SORCS1: variants seen among roughly 807,000 people sequenced by gnomAD.
SORCS1 encodes the protein sortilin related VPS10 domain containing receptor 1.
SORCS1 carries 60 observed loss-of-function variants against 146.1 expected under a neutral mutation model. The ratio of observed to expected loss-of-function variants is 0.41; its 90% CI spans 0.33 to 0.51. The LOEUF (loss-of-function observed/expected upper bound fraction) is 0.51, where lower values mean the gene tolerates loss of function less well. SORCS1 is among the 20% of genes least tolerant of loss of function. SORCS1 has a pLI of 0.21. For missense variants in SORCS1, 1,352 were observed against 1,487.6 expected (o/e 0.91, Z 1.50); for synonymous variants, 637 against 584.0 (o/e 1.09, Z -1.31).
intron 1 of SORCS1, among the ~76,000 whole-genome samples, chr10:107,081,576 T>A (rs1190355974): frequency 6.6e-6 from 1 of 152,186 alleles, no homozygotes; most frequent in Admixed American, 6.5e-5. Flanking sequence ...TCTCTCCTTA[T>A]TCAGAAAAAG....
intron 9 of SORCS1, among the ~76,000 whole-genome samples, chr10:106,698,572 A>G (rs1853884738): frequency 6.6e-6 from 1 of 152,240 alleles, no homozygotes; most frequent in Non-Finnish European, 1.5e-5. Flanking sequence ...ATGAAAGCCA[A>G]CCAATCCAAC....
chr10:106,946,047 T>C (rs822081), intron 2 of SORCS1, among the ~76,000 whole-genome samples: 24,705 of 152,188 alleles, frequency 0.16, 2,933 homozygotes, highest in East Asian at 0.38. Flanking sequence ...GGTTATGCTC[T>C]TCTTCTTTGA....
chr10:107,125,249 C>T (rs1385683936), intron 1 of SORCS1, among the ~76,000 whole-genome samples: 1 of 152,140 alleles, frequency 6.6e-6, no homozygotes, highest in Non-Finnish European at 1.5e-5. Context: ...CCATGCCTGG[C>T]CCCGCTCAGC....
At chr10:107,179,279 T>C in the SORCS1 span, among the ~76,000 whole-genome samples, 1 of 152,230 alleles carries the variant, frequency 6.6e-6, no homozygotes, top group South Asian at 2.1e-4. Flanking sequence ...TTTATTTTTA[T>C]TGTTTTCACT....
chr10:107,046,554 A>T (rs1277484351), intron 1 of SORCS1, among the ~76,000 whole-genome samples: 1 of 152,166 alleles, frequency 6.6e-6, no homozygotes, highest in East Asian at 1.9e-4. Flanking sequence ...CATACAACCC[A>T]GAAAGGATGG....
At chr10:107,086,662 G>C (rs1421107968) in intron 1 of SORCS1, among the ~76,000 whole-genome samples, 1 of 152,152 alleles carries the variant, frequency 6.6e-6, no homozygotes, top group Non-Finnish European at 1.5e-5. Flanking sequence ...GCCATTAGTT[G>C]TATTAAGTGA....
At chr10:106,677,142 C>A (rs1277797275) in intron 13 of SORCS1, among the ~76,000 whole-genome samples, 171 bp downstream of exon 13, 1 of 152,204 alleles carries the variant, frequency 6.6e-6, no homozygotes, top group Non-Finnish European at 1.5e-5. Context: ...TATTTGTTGT[C>A]TCAGTGGATT....
At chr10:106,600,509 G>T in intron 23 of SORCS1, 1 of 984,946 alleles carries the variant, frequency 1.0e-6, no homozygotes, top group South Asian at 4.7e-5. Context: ...ACTGTTGACA[G>T]ATTTTGACAA....
At position 106,758,160 on chromosome 10, in the gene SORCS1, G is replaced by A. The variant is rs1157862325; in HGVS notation, c.959+3428C>T. 2.6e-5 allele frequency among the ~76,000 whole-genome samples: 4 copies of A among 152,154 alleles called. No individual in the cohort carries two copies. In the South Asian group the frequency reaches 8.3e-4, roughly 32 times the overall value. On this transcript the variant is annotated intron_variant, in intron 5 of 25. Transcript: ENST00000263054. ...GGCTTTTGATTAGAAGAGCTTTGCT[G>A]ATCAAGCTTTCACATAGAAGATTCC...
rs1470511350 is a variant in SORCS1, at chr10:106,675,071, C to T, written c.1918G>A (p.Gly640Arg). 9 of 1,613,630 alleles carry T rather than the reference C, an allele frequency of 5.6e-6. No homozygotes were observed. The African/African-American group carries it at 9.3e-5, about 17-fold the overall frequency. Residue 640 changes from glycine (G) to arginine (R), a missense_variant, in exon 14 of 26, where the codon GGA becomes AGA. Around this residue, in one of 3 missense-constraint regions of SORCS1, gnomAD observed 648 missense variants for 793.8 expected, o/e 0.82. Transcript: ENST00000263054. The stretch of plus-strand genomic sequence containing the variant: ...TACGTCATGATGAGAGTCTCTTCTC[C>T]AGGCTCACCCAGAACCCCATCCACA... ...LFVDGVLGEP[G>R]EETLIMTVFG...
chr10:106,898,244 A>C (rs918460187), intron 2 of SORCS1, among the ~76,000 whole-genome samples: 2 of 152,158 alleles, frequency 1.3e-5, no homozygotes, highest in African/African-American at 4.8e-5. Context: ...GATTTCTTTA[A>C]ACCCATGCTG....
the SORCS1 span, among the ~76,000 whole-genome samples, chr10:107,176,825 GT>G: frequency 2.0e-5 from 3 of 151,956 alleles, no homozygotes; most frequent in African/African-American, 7.3e-5. Flanking sequence ...TACCCTTAGT[GT>G]TTTTTATATA....
intron 4 of SORCS1, 74 bp downstream of exon 4, chr10:106,776,460 A>C: frequency 6.4e-7 from 1 of 1,560,924 alleles, no homozygotes; most frequent in Non-Finnish European, 8.7e-7. Context: ...GGTGAAATGG[A>C]GAGATGATTA....
At chr10:106,636,298 C>T (rs1848719328) in intron 18 of SORCS1, among the ~76,000 whole-genome samples, 1 of 152,084 alleles carries the variant, frequency 6.6e-6, no homozygotes, top group South Asian at 2.1e-4. Context: ...AACAATTGCT[C>T]TACAAGATCC....
chr10:106,979,441 T>C (rs1252490056), intron 1 of SORCS1, among the ~76,000 whole-genome samples: 1 of 152,152 alleles, frequency 6.6e-6, no homozygotes, highest in Non-Finnish European at 1.5e-5. Flanking sequence ...CAAACAACAG[T>C]GGCCTCAAAT....
intron 2 of SORCS1, among the ~76,000 whole-genome samples, chr10:106,955,731 A>C (rs1292997867): frequency 2.0e-5 from 3 of 152,184 alleles, no homozygotes; most frequent in Non-Finnish European, 4.4e-5. Context: ...TCATGCCTGT[A>C]ATCCCAGCAT....
intron 1 of SORCS1, among the ~76,000 whole-genome samples, chr10:107,086,767 C>T (rs955725913): frequency 4.6e-5 from 7 of 152,332 alleles, no homozygotes; most frequent in African/African-American, 9.6e-5. Flanking sequence ...CAGTGGCTCA[C>T]GCCTGTAATC....
At chr10:106,583,321 T>C (rs1845032105) in intron 24 of SORCS1, among the ~76,000 whole-genome samples, 1 of 152,158 alleles carries the variant, frequency 6.6e-6, no homozygotes, top group Admixed American at 6.5e-5. Context: ...CATATGGAGA[T>C]TCACAATGCA....
intron 1 of SORCS1, among the ~76,000 whole-genome samples, chr10:107,133,279 A>G (rs1379842124): frequency 6.6e-6 from 1 of 152,170 alleles, no homozygotes; most frequent in Non-Finnish European, 1.5e-5. Flanking sequence ...CAGTCCTCAG[A>G]AGAACAGGAT....
Sources: allele counts gnomAD v4.1 joint callset (sites outside exome capture counted in the v4.1 genomes callset), GRCh38; gene constraint gnomAD v4.1.1; regional missense constraint gnomAD v4.1.1; transcripts MANE v1.5; gene names NCBI Gene and HGNC (gene_info 2026-07-23, HGNC 2026-07-21).